The following BRF1 variants were observed in gnomAD, a reference collection of about 807,000 sequenced individuals.
The protein encoded by BRF1 is BRF1 general transcription factor IIIB subunit.
BRF1 carries 59 observed loss-of-function variants against 81.7 expected under a neutral mutation model. The observed-to-expected ratio is 0.72, with a 90% CI of 0.59 to 0.90. The LOEUF is 0.90. Ranked by LOEUF, BRF1 falls within the 40% of genes least tolerant of loss-of-function variation. The probability of loss-of-function intolerance (pLI) is 0.00; values close to 1 mark genes in which losing one functional copy is unlikely to be tolerated. For missense variants in BRF1, 1,050 were observed against 936.3 expected (o/e 1.12, Z -1.58); for synonymous variants, 491 against 395.6 (o/e 1.24, Z -2.86).
At chr14:105,221,378 G>A (rs1328937689) in intron 11 of BRF1, among the ~76,000 whole-genome samples, 3 of 152,226 alleles carry the variant, frequency 2.0e-5, no homozygotes, top group African/African-American at 4.8e-5. Flanking sequence ...TCCATTCTCC[G>A]TGGCCCCTGT....
chr14:105,270,958 T>C (rs1159914379), intron 3 of BRF1, among the ~76,000 whole-genome samples: 1 of 151,754 alleles, frequency 6.6e-6, no homozygotes, highest in Non-Finnish European at 1.5e-5. Flanking sequence ...AGGACACCCC[T>C]CGAGGGGGAC....
At chr14:105,212,211 C>T (rs750441546) in intron 15 of BRF1, 47 bp from the exon 16 acceptor site, 17 of 1,587,140 alleles carry the variant, frequency 1.1e-5, no homozygotes, top group Admixed American at 3.5e-5. Context: ...GGCTCCCGAA[C>T]GCCTGCCCAC....
chr14:105,226,898 C>T (rs1239275230), intron 7 of BRF1, 138 bp from the exon 8 acceptor site: 7 of 1,273,016 alleles, frequency 5.5e-6, no homozygotes, highest in East Asian at 5.1e-5. Flanking sequence ...TGCTTGAGTC[C>T]AAGACTTTGA....
intron 5 of BRF1, among the ~76,000 whole-genome samples, chr14:105,243,288 A>AAC (rs2054842522): frequency 6.6e-6 from 1 of 150,838 alleles, no homozygotes; most frequent in South Asian, 2.1e-4. Flanking sequence ...TAAAATACAA[A>AAC]AAAAAAAAAA....
At chr14:105,265,823 C>G (rs765437932) in intron 3 of BRF1, among the ~76,000 whole-genome samples, 7 of 151,590 alleles carry the variant, frequency 4.6e-5, no homozygotes, top group African/African-American at 7.3e-5. Context: ...ATGGTGTGAA[C>G]CCGCGAGGCA....
At chr14:105,266,786 A>G (rs1282333789) in intron 3 of BRF1, among the ~76,000 whole-genome samples, 4 of 152,078 alleles carry the variant, frequency 2.6e-5, no homozygotes, top group African/African-American at 9.7e-5. Flanking sequence ...GTTCACACCT[A>G]GAATCCCAGC....
intron 3 of BRF1, among the ~76,000 whole-genome samples, chr14:105,263,781 C>G (rs765854680): frequency 6.6e-6 from 1 of 151,858 alleles, no homozygotes; most frequent in Non-Finnish European, 1.5e-5. Context: ...AAAAATCAGC[C>G]GGATGTGGTG....
At chr14:105,258,669 G>A (rs2056007753) in intron 3 of BRF1, among the ~76,000 whole-genome samples, 1 of 151,698 alleles carries the variant, frequency 6.6e-6, no homozygotes, top group African/African-American at 2.4e-5. Context: ...GGTGGTGGCG[G>A]GCACCTGTAA....
chr14:105,252,446 T>C (rs1018057420), intron 5 of BRF1, 61 bp downstream of exon 5: 24 of 1,581,302 alleles, frequency 1.5e-5, no homozygotes, highest in Non-Finnish European at 2.0e-5. Context: ...CAAAGGACAT[T>C]TGGCACGCTG....
At chr14:105,250,394 C>T in intron 5 of BRF1, 1 of 1,613,864 alleles carries the variant, frequency 6.2e-7, no homozygotes, top group Non-Finnish European at 8.5e-7. Flanking sequence ...GCTCAAGCGG[C>T]TCGGGGTGGT....
intron 5 of BRF1, chr14:105,249,588 C>T: frequency 6.3e-7 from 1 of 1,585,984 alleles, no homozygotes; most frequent in African/African-American, 1.3e-5. Context: ...AGGCCCAGCC[C>T]CGCGATGGGT....
chr14:105,216,454 C>A (rs587678431), intron 15 of BRF1, among the ~76,000 whole-genome samples: 1 of 152,090 alleles, frequency 6.6e-6, no homozygotes, highest in Admixed American at 6.6e-5. Context: ...TAGGAATGCA[C>A]CCCCAGAGGA....
At chr14:105,256,899 G>A (rs1421685713) in intron 3 of BRF1, among the ~76,000 whole-genome samples, 2 of 152,148 alleles carry the variant, frequency 1.3e-5, no homozygotes, top group Non-Finnish European at 2.9e-5. Flanking sequence ...GCCCAGTCAG[G>A]TGCCCACCAT....
At chr14:105,256,949 G>GT (rs899989445) in intron 3 of BRF1, among the ~76,000 whole-genome samples, 27 of 152,320 alleles carry the variant, frequency 1.8e-4, no homozygotes, top group South Asian at 6.2e-4. Flanking sequence ...AGAAGAGACA[G>GT]TGGCACTCAT....
chr14:105,288,877 A>C (rs1032819858), intron 1 of BRF1, among the ~76,000 whole-genome samples: 6 of 151,694 alleles, frequency 4.0e-5, no homozygotes, highest in African/African-American at 7.3e-5. Context: ...ACAAAAAAAA[A>C]CTGAAAAAAA....
In BRF1 at chr14:105,209,441, G is replaced by C; in HGVS notation, c.*1110C>G. The stretch of plus-strand genomic sequence containing the variant: ...GGGCCAAGTTGGGGCAGGACATACA[G>C]CCCATTCCATGGGGAGGATGAGGCC... On this transcript the variant is annotated 3_prime_UTR_variant, in exon 18 of 18. Coordinates refer to ENST00000547530, the MANE Select transcript of BRF1 (RefSeq NM_001519.4). 2.9e-6 allele frequency: 2 copies of C among 695,008 alleles called. No individual in the cohort carries two copies. The highest frequency in any genetic ancestry group is 5.2e-6 in the Non-Finnish European group (2 of 381,776). The allele number at this position is 695,008 out of a possible 1,614,324, so 43.1% of individuals were successfully genotyped here. A position where few individuals can be genotyped will look rare whatever the true frequency, so the allele number is the denominator to read the frequency against.
At position 105,209,839 on chromosome 14, in the gene BRF1, G is replaced by C; in HGVS notation, c.*712C>G. 1 of 499,838 alleles carries C rather than the reference G, an allele frequency of 2.0e-6. No individual in the cohort carries two copies. The highest frequency in any genetic ancestry group is 3.4e-5 in the East Asian group (1 of 29,412). The allele number at this position is 499,838 out of a possible 1,614,324, so 31.0% of individuals were successfully genotyped here. A position where few individuals can be genotyped will look rare whatever the true frequency, so the allele number is the denominator to read the frequency against. On this transcript the variant is annotated 3_prime_UTR_variant, in exon 18 of 18. Coordinates refer to ENST00000547530, the MANE Select transcript of BRF1 (RefSeq NM_001519.4). ...CCTGCCGGCAGCCGCAGGGCTCCTGGGCCCACAACTCAAGTGGCCCTGGAG... is the reference window on the plus strand; with the variant it reads ...CCTGCCGGCAGCCGCAGGGCTCCTGCGCCCACAACTCAAGTGGCCCTGGAG...
At chr14:105,229,486 G>T (rs993687674) in intron 6 of BRF1, among the ~76,000 whole-genome samples, 1 of 152,218 alleles carries the variant, frequency 6.6e-6, no homozygotes, top group African/African-American at 2.4e-5. Flanking sequence ...AGGAGTGAGG[G>T]CCCTGCCGAC....
At chr14:105,229,341 C>G (rs959092004) in intron 6 of BRF1, among the ~76,000 whole-genome samples, 3 of 152,212 alleles carry the variant, frequency 2.0e-5, no homozygotes, top group African/African-American at 7.2e-5. Flanking sequence ...CCCAGAACCT[C>G]CAGTGCAAAC....
Sources: gnomAD v4.1 joint callset for allele counts (sites outside exome capture counted in the v4.1 genomes callset) on GRCh38, gnomAD v4.1.1 for gene constraint, MANE v1.5 for transcripts, NCBI Gene and HGNC (gene_info 2026-07-23, HGNC 2026-07-21) for gene names.